AFF1: variants seen among roughly 807,000 people sequenced by gnomAD.
AFF1 encodes the protein ALF transcription elongation factor 1, also known as AF4/FMR2 family member 1.
A neutral mutation model predicts 121.7 loss-of-function variants in AFF1; 48 were observed. That is an observed-to-expected ratio of 0.39 (90% CI 0.31 to 0.50). The LOEUF is 0.50. AFF1 is among the 20% of genes least tolerant of loss of function. AFF1 has a pLI of 0.76. For synonymous variants in AFF1, 613 were observed against 563.0 expected (o/e 1.09, Z -1.26); for missense variants, 1,523 against 1,511.7 (o/e 1.01, Z -0.12).
intron 2 of AFF1, among the ~76,000 whole-genome samples, chr4:87,043,174 G>A (rs1730329169): frequency 6.6e-6 from 1 of 152,158 alleles, no homozygotes; most frequent in African/African-American, 2.4e-5. Context: ...GGAGCCTAAG[G>A]CTGTGAACAC....
At chr4:87,118,202 C>T (rs1264545114) in intron 12 of AFF1, among the ~76,000 whole-genome samples, 3 of 152,170 alleles carry the variant, frequency 2.0e-5, no homozygotes, top group Non-Finnish European at 2.9e-5. Context: ...TTTACAGATC[C>T]TTGAATCCAC....
chr4:87,022,001 G>C (rs1393988560), intron 2 of AFF1, among the ~76,000 whole-genome samples: 1 of 152,144 alleles, frequency 6.6e-6, no homozygotes, highest in African/African-American at 2.4e-5. Context: ...TCAGGAGTTT[G>C]AGACCAGCCT....
chr4:86,983,191 G>T (rs1342070974), intron 2 of AFF1, among the ~76,000 whole-genome samples: 1 of 152,050 alleles, frequency 6.6e-6, no homozygotes, highest in Non-Finnish European at 1.5e-5. Context: ...AGGAGTTTAA[G>T]ACCAGCCTGG....
At chr4:87,025,827 G>C (rs1056852298) in intron 2 of AFF1, among the ~76,000 whole-genome samples, 5 of 152,162 alleles carry the variant, frequency 3.3e-5, no homozygotes, top group Admixed American at 2.0e-4. Context: ...GTTTCCGAGA[G>C]CGTCTGTACA....
chr4:87,066,895 A>T (rs971824709), intron 4 of AFF1, among the ~76,000 whole-genome samples: 1 of 152,170 alleles, frequency 6.6e-6, no homozygotes, highest in Non-Finnish European at 1.5e-5. Flanking sequence ...TCCCACATTA[A>T]TTAATTCAGA....
chr4:87,083,922 A>G (rs961646564), intron 4 of AFF1, among the ~76,000 whole-genome samples, 198 bp from the exon 5 acceptor site: 1 of 152,104 alleles, frequency 6.6e-6, no homozygotes, highest in Non-Finnish European at 1.5e-5. Flanking sequence ...ACCACCATGC[A>G]TGGCTAATTT....
chr4:87,015,643 C>T (rs960758035), intron 2 of AFF1, among the ~76,000 whole-genome samples: 2 of 152,172 alleles, frequency 1.3e-5, no homozygotes, highest in Non-Finnish European at 2.9e-5. Context: ...ACCCTTAGGG[C>T]AGGGAGGGGC....
At chr4:86,975,752 A>G (rs1723256316) in intron 2 of AFF1, among the ~76,000 whole-genome samples, 1 of 152,184 alleles carries the variant, frequency 6.6e-6, no homozygotes, top group Admixed American at 6.5e-5. Flanking sequence ...GACAAATAAA[A>G]CACAGTTATT....
intron 4 of AFF1, among the ~76,000 whole-genome samples, chr4:87,064,108 G>A (rs1461631042): frequency 1.3e-5 from 2 of 152,238 alleles, no homozygotes; most frequent in African/African-American, 4.8e-5. Flanking sequence ...TGCATTAGTT[G>A]TGAGAAGTAT....
intron 8 of AFF1, among the ~76,000 whole-genome samples, chr4:87,104,155 C>T (rs1725688721): frequency 6.6e-6 from 1 of 152,142 alleles, no homozygotes; most frequent in Admixed American, 6.5e-5. Flanking sequence ...GCCTGTAACC[C>T]CAGCAGTTTA....
At chr4:87,031,019 A>G (rs1244793169) in intron 2 of AFF1, among the ~76,000 whole-genome samples, 1 of 151,806 alleles carries the variant, frequency 6.6e-6, no homozygotes, top group East Asian at 1.9e-4. Context: ...GTAATTTGAG[A>G]TCGTTGTTTC....
intron 1 of AFF1, among the ~76,000 whole-genome samples, chr4:86,944,034 C>T (rs1184324757): frequency 1.3e-5 from 2 of 150,582 alleles, no homozygotes; most frequent in Admixed American, 1.3e-4. Context: ...GTCCCAGTTA[C>T]TCTGAAGGCT....
At chr4:86,947,891 C>A (rs1189952696) in intron 1 of AFF1, among the ~76,000 whole-genome samples, 1 of 151,642 alleles carries the variant, frequency 6.6e-6, no homozygotes, top group African/African-American at 2.4e-5. Context: ...TCACTGGGAC[C>A]CACTTTTCTT....
intron 8 of AFF1, among the ~76,000 whole-genome samples, chr4:87,101,880 CT>C (rs1180206032): frequency 6.6e-6 from 1 of 152,214 alleles, no homozygotes; most frequent in Non-Finnish European, 1.5e-5. Context: ...TATGTAAATA[CT>C]TTTTGGGTCT....
rs370765300 is a variant in AFF1, at chr4:87,059,777, G to A, written c.1059+12183G>A. Among the ~76,000 whole-genome samples the A allele has an allele frequency of 9.9e-4, 150 of 152,242 alleles. 1 individual carries two copies. The highest frequency in any genetic ancestry group is 8.5e-3 in the South Asian group (41 of 4,822). On this transcript the variant is annotated intron_variant, in intron 4 of 20. Transcript: ENST00000395146. ...TAGATGACTTTCTGCTGTGCACCCC[G>A]CTGCCCAGGCCCGAGTTTCAGCACT...
intron 2 of AFF1, among the ~76,000 whole-genome samples, chr4:86,966,019 A>G (rs1016255596): frequency 5.4e-5 from 8 of 147,592 alleles, no homozygotes; most frequent in Non-Finnish European, 8.9e-5. Context: ...GGTGTGCTGT[A>G]TTCTCCCCTC....
At chr4:86,966,158 C>A (rs1722525237) in intron 2 of AFF1, among the ~76,000 whole-genome samples, 1 of 151,396 alleles carries the variant, frequency 6.6e-6, no homozygotes, top group Non-Finnish European at 1.5e-5. Context: ...TGCATCTTAC[C>A]CACACACATA....
chr4:87,094,990 G>A (rs1168939237), intron 8 of AFF1, 21 bp downstream of exon 8: 1 of 1,607,324 alleles, frequency 6.2e-7, no homozygotes, highest in Admixed American at 1.7e-5. Flanking sequence ...TGCTTTTTGT[G>A]TATTAAAATT....
rs142092486 is a variant in AFF1, at chr4:86,950,733, CAGTT to C, written c.38+2167_38+2170del. On this transcript the variant is annotated intron_variant, in intron 2 of 20. Coordinates refer to ENST00000395146, the MANE Select transcript of AFF1 (RefSeq NM_001166693.3). ...CTCTCTCCCCTCACCAAAGGGAAGA[CAGTT>C]AGTTGACCCTGGCTGCTGCAGTTCA... Among the ~76,000 whole-genome samples the C allele has an allele frequency of 2.3e-3, 356 of 152,316 alleles. 1 individual carries two copies. The highest frequency in any genetic ancestry group is 7.5e-3 in the African/African-American group (313 of 41,574).
Sources: allele counts gnomAD v4.1 joint callset (sites outside exome capture counted in the v4.1 genomes callset), GRCh38; gene constraint gnomAD v4.1.1; transcripts MANE v1.5; gene names NCBI Gene and HGNC (gene_info 2026-07-23, HGNC 2026-07-21).